DDX52: variants seen among roughly 807,000 people sequenced by gnomAD.
DDX52 encodes the protein probable ATP-dependent RNA helicase DDX52.
A neutral mutation model predicts 76.1 loss-of-function variants in DDX52; 59 were observed. The ratio of observed to expected loss-of-function variants is 0.78; its 90% CI spans 0.63 to 0.96. DDX52 has a LOEUF of 0.96. DDX52 is among the 40% of genes least tolerant of loss of function. The probability of loss-of-function intolerance (pLI) is 0.00; values close to 1 mark genes in which losing one functional copy is unlikely to be tolerated. For synonymous variants in DDX52, 231 were observed against 244.1 expected, an observed-to-expected ratio of 0.95 and a Z score of 0.50; for missense variants, 707 against 703.9, an observed-to-expected ratio of 1.00 and a Z score of -0.05.
rs915925824 is a variant in DDX52 at position 37,642,209 on chromosome 17, G to C, written c.187C>G (p.Gln63Glu). The change falls in exon 2 of 15, where the codon CAA becomes GAA. Residue 63 changes from glutamine (Q) to glutamate (E), a missense_variant. Physicochemically the swap from Gln to Glu is conservative, Grantham distance 29. Coordinates refer to ENST00000617633, the MANE Select transcript of DDX52 (RefSeq NM_007010.5). ...KSVPGVCGAS[Q>E]THQKPQNGEK... ...CCATTTTGGGGCTTCTGATGTGTTT[G>C]TGATGCTCCACACACACCTGGGACA... 3.7e-6 allele frequency: 6 copies of C among 1,613,700 alleles called. No homozygotes were observed. In the Admixed American group the frequency reaches 8.3e-5, roughly 22 times the overall value.
At position 37,614,169 on chromosome 17, in the gene DDX52, A is replaced by G. The variant is rs2064398127; in HGVS notation, c.*127T>C. 1 of 946,376 alleles carries G rather than the reference A, an allele frequency of 1.1e-6. No individual in the cohort carries two copies. Among genetic ancestry groups the G allele is most frequent in the Non-Finnish European group, 1.6e-6 (1 of 641,152 alleles). 58.6% of individuals were successfully genotyped at this position (946,376 alleles called of 1,614,324 possible). A position where few individuals can be genotyped will look rare whatever the true frequency, so the allele number is the denominator to read the frequency against. On this transcript the variant is annotated 3_prime_UTR_variant, in exon 15 of 15. Transcript: ENST00000617633. The stretch of plus-strand genomic sequence containing the variant: ...TTTAGGATCATTTATCACCAGTCCC[A>G]TGTACTTGTAGTTGATTTCAAATGT...
intron 13 of DDX52, among the ~76,000 whole-genome samples, chr17:37,618,879 T>A (rs1405491094): frequency 2.6e-5 from 4 of 152,338 alleles, no homozygotes; most frequent in African/African-American, 9.6e-5. Flanking sequence ...CAGAGCTAAC[T>A]CAAAGGGATG....
At position 37,611,425 on chromosome 17, in the gene DDX52, T is replaced by TA. The variant is rs1167039245; in HGVS notation, c.*2870dup. On this transcript the variant is annotated 3_prime_UTR_variant, in exon 15 of 15. Coordinates refer to ENST00000617633, the MANE Select transcript of DDX52 (RefSeq NM_007010.5). ...CTTCTAGAATAAGGATATAAAGAAATAAAGTATTTTTCTACAGCTGTACAT... is the reference window on the plus strand; with the variant it reads ...CTTCTAGAATAAGGATATAAAGAAATAAAAGTATTTTTCTACAGCTGTACAT... 2.6e-5 allele frequency: 4 copies of TA among 151,968 alleles called. No individual in the cohort carries two copies. The highest frequency in any genetic ancestry group is 5.9e-5 in the Non-Finnish European group (4 of 67,954). The allele number at this position is 151,968 out of a possible 1,614,324, so 9.4% of individuals were successfully genotyped here. A position where few individuals can be genotyped will look rare whatever the true frequency, so the allele number is the denominator to read the frequency against.
intron 6 of DDX52, 132 bp downstream of exon 6, chr17:37,628,429 T>C (rs2030500201): frequency 5.7e-6 from 4 of 707,366 alleles, no homozygotes; most frequent in Non-Finnish European, 2.4e-6. Flanking sequence ...AGGGGATCGC[T>C]TTAGTTCTTC....
At chr17:37,619,975 T>C (rs1413653113) in intron 12 of DDX52, 136 bp from the exon 13 acceptor site, 1 of 777,990 alleles carries the variant, frequency 1.3e-6, no homozygotes, top group Non-Finnish European at 2.1e-6. Context: ...TATTATCAAT[T>C]ATTACCTGAT....
intron 2 of DDX52, chr17:37,635,653 T>G: frequency 2.2e-6 from 1 of 455,706 alleles, no homozygotes; most frequent in Non-Finnish European, 4.4e-6. Flanking sequence ...ATAAGCAATG[T>G]TGCTATGAAA....
At chr17:37,618,737 G>A (rs543111559) in intron 13 of DDX52, among the ~76,000 whole-genome samples, 3 of 152,066 alleles carry the variant, frequency 2.0e-5, no homozygotes, top group African/African-American at 7.2e-5. Context: ...CGCCCGCCTC[G>A]GCCTCCCAAA....
intron 2 of DDX52, among the ~76,000 whole-genome samples, chr17:37,634,123 A>G (rs536596714): frequency 2.6e-5 from 4 of 151,114 alleles, no homozygotes; most frequent in African/African-American, 9.7e-5. Context: ...TTTGTTTTGT[A>G]TTTTTAGTAG....
chr17:37,614,425 A>G, intron 14 of DDX52, 72 bp from the exon 15 acceptor site: 1 of 1,437,300 alleles, frequency 7.0e-7, no homozygotes, highest in African/African-American at 1.4e-5. Context: ...CCCTACCACC[A>G]GTTTAATAAA....
intron 4 of DDX52, 100 bp downstream of exon 4, chr17:37,632,013 G>C: frequency 6.6e-7 from 1 of 1,522,192 alleles, no homozygotes; most frequent in Non-Finnish European, 9.1e-7. Flanking sequence ...TTTTAACAGG[G>C]GAGATAAGGT....
intron 4 of DDX52, chr17:37,631,526 C>T (rs2030681912): frequency 6.5e-6 from 1 of 153,558 alleles, no homozygotes; most frequent in African/African-American, 2.4e-5. Flanking sequence ...TACATATGTT[C>T]TCTATCTTCA....
chr17:37,639,551 C>T, intron 2 of DDX52: 3 of 493,856 alleles, frequency 6.1e-6, no homozygotes, highest in Non-Finnish European at 7.9e-6. Flanking sequence ...TACTGGCTAA[C>T]ATGGTGAAAC....
At chr17:37,626,916 TA>T (rs767944782) in intron 6 of DDX52, 56 bp from the exon 7 acceptor site, 4 of 1,459,892 alleles carry the variant, frequency 2.7e-6, no homozygotes, top group Non-Finnish European at 3.8e-6. Flanking sequence ...CCTCTTGAAC[TA>T]GGAATTAAGC....
chr17:37,630,903 G>A (rs997920466), intron 4 of DDX52: 2 of 152,260 alleles, frequency 1.3e-5, no homozygotes, highest in Non-Finnish European at 2.9e-5. Context: ...GTCTCCCAAA[G>A]TGCTGGGATT....
intron 9 of DDX52, among the ~76,000 whole-genome samples, chr17:37,622,026 C>A (rs371688218): frequency 3.9e-5 from 6 of 152,150 alleles, no homozygotes; most frequent in Admixed American, 2.0e-4. Context: ...CTGAACCCCA[C>A]AGGTGGTACT....
At chr17:37,626,562 AAAGG>A (rs2030384777) in intron 7 of DDX52, among the ~76,000 whole-genome samples, 1 of 152,226 alleles carries the variant, frequency 6.6e-6, no homozygotes, top group Admixed American at 6.5e-5. Context: ...GAAAAAGGTA[AAAGG>A]AAGATAAACA....
chr17:37,622,285 CT>C (rs2030140723), intron 9 of DDX52, among the ~76,000 whole-genome samples: 1 of 150,640 alleles, frequency 6.6e-6, no homozygotes, highest in African/African-American at 2.4e-5. Flanking sequence ...ATTAGAGTTT[CT>C]TAGCCTTTTT....
At chr17:37,624,258 A>G in intron 9 of DDX52, 86 bp downstream of exon 9, 10 of 886,248 alleles carry the variant, frequency 1.1e-5, no homozygotes, top group Middle Eastern at 3.3e-4. Flanking sequence ...TGATGATGAT[A>G]CAGTGCTACC....
chr17:37,635,459 CATGTCAT>C, intron 2 of DDX52: 1 of 351,552 alleles, frequency 2.8e-6, no homozygotes, highest in South Asian at 2.2e-5. Context: ...TAAACGGAAT[CATGTCAT>C]ATGTACTAAT....
Sources: allele counts gnomAD v4.1 joint callset (sites outside exome capture counted in the v4.1 genomes callset), GRCh38; gene constraint gnomAD v4.1.1; transcripts MANE v1.5; gene names NCBI Gene and HGNC (gene_info 2026-07-23, HGNC 2026-07-21).